Variants in CHD2 observed in about 807,000 individuals in gnomAD.
CHD2 encodes the protein ATP-dependent chromatin remodeler CHD2.
Under a neutral mutation model 243.9 loss-of-function variants are expected in CHD2, and 28 were observed. The ratio of observed to expected loss-of-function variants is 0.11; its 90% CI spans 0.09 to 0.16. CHD2 has a LOEUF of 0.16. Ranked by LOEUF, CHD2 falls within the 10% of genes least tolerant of loss-of-function variation. The probability of loss-of-function intolerance (pLI) is 1.00; values close to 1 mark genes in which losing one functional copy is unlikely to be tolerated. For missense variants in CHD2, 1,386 were observed against 2,209.8 expected, an observed-to-expected ratio of 0.63 and a Z score of 7.47; for synonymous variants, 775 against 779.0, an observed-to-expected ratio of 0.99 and a Z score of 0.09.
At chr15:93,014,658 G>C in intron 36 of CHD2, 38 bp from the exon 37 acceptor site, 1 of 1,580,892 alleles carries the variant, frequency 6.3e-7, no homozygotes, top group Non-Finnish European at 8.7e-7. Context: ...AATTAAGCCT[G>C]GGATCTTGAG....
intron 2 of CHD2, among the ~76,000 whole-genome samples, chr15:92,913,252 C>T (rs1247331451): frequency 1.3e-5 from 2 of 152,328 alleles, no homozygotes; most frequent in East Asian, 3.9e-4. Flanking sequence ...TGTTCTGCTG[C>T]TTTTTAGCTG....
At chr15:92,985,464 T>G (rs747273763) in intron 25 of CHD2, 34 bp from the exon 26 acceptor site, 13 of 1,577,802 alleles carry the variant, frequency 8.2e-6, no homozygotes, top group Admixed American at 7.1e-5. Context: ...ACTTCGCACT[T>G]GTTACAGTGT....
At chr15:92,952,400 A>G (rs2053564820) in intron 13 of CHD2, among the ~76,000 whole-genome samples, 1 of 152,138 alleles carries the variant, frequency 6.6e-6, no homozygotes, top group South Asian at 2.1e-4. Flanking sequence ...TATTATTATT[A>G]CATTATACTA....
chr15:92,965,593 A>AAC (rs1555441705), intron 16 of CHD2, among the ~76,000 whole-genome samples: 21 of 135,316 alleles, frequency 1.6e-4, no homozygotes, highest in Admixed American at 4.7e-4. Flanking sequence ...AAAAAAAAAA[A>AAC]AACCAACTCA....
intron 5 of CHD2, among the ~76,000 whole-genome samples, chr15:92,932,508 T>C (rs1302466000): frequency 7.4e-6 from 1 of 134,288 alleles, no homozygotes; most frequent in African/African-American, 2.8e-5. Context: ...GTGTTCTCAT[T>C]GTTCAATTCC....
rs746694647 is a variant in CHD2 at position 93,002,269 on chromosome 15, CAAA to C, written c.4231_4233del (p.Lys1411del). 4.0e-5 allele frequency: 64 copies of C among 1,595,054 alleles called. 1 individual carries two copies. The Admixed American group carries it at 1.0e-3, about 26-fold the overall frequency. ...AGAAACAAATGAGTTCTAGGAAAGA[CAAA>C]GAAGGGGACAAGGAAAGAAAGAAGT... On this transcript the variant is annotated inframe_deletion, in exon 33 of 39. Transcript: ENST00000394196.
At chr15:93,019,705 G>A (rs2054507608) in intron 37 of CHD2, among the ~76,000 whole-genome samples, 1 of 152,076 alleles carries the variant, frequency 6.6e-6, no homozygotes, top group Non-Finnish European at 1.5e-5. Context: ...AAGCTGAGGC[G>A]GGCGGATCAC....
chr15:92,921,398 C>CTG (rs1241863810), intron 2 of CHD2: 12 of 152,150 alleles, frequency 7.9e-5, no homozygotes, highest in Admixed American at 7.2e-4. Flanking sequence ...CCAGAAGACC[C>CTG]GGATGCCTGG....
chr15:92,984,950 A>G (rs1013857591), intron 25 of CHD2, among the ~76,000 whole-genome samples: 5 of 152,232 alleles, frequency 3.3e-5, no homozygotes, highest in Non-Finnish European at 7.3e-5. Flanking sequence ...CATCACAGAC[A>G]CTATCTAATT....
intron 20 of CHD2, 144 bp from the exon 21 acceptor site, chr15:92,978,090 A>G: frequency 3.3e-6 from 3 of 900,304 alleles, no homozygotes; most frequent in South Asian, 1.5e-5. Flanking sequence ...AGTCCCTGAC[A>G]TTCTTTTAGC....
chr15:92,946,285 G>A (rs1323915382), intron 12 of CHD2, 69 bp downstream of exon 12: 2 of 1,215,438 alleles, frequency 1.6e-6, no homozygotes, highest in African/African-American at 1.5e-5. Context: ...GGACACATAT[G>A]TGCTGAGAAA....
intron 37 of CHD2, among the ~76,000 whole-genome samples, chr15:93,018,358 C>T (rs76065461): frequency 1.1e-3 from 163 of 152,334 alleles, no homozygotes; most frequent in Non-Finnish European, 1.8e-3. Context: ...AGTTTCTGAG[C>T]TCAGCACTTC....
chr15:92,914,354 C>T (rs1240349333), intron 2 of CHD2, among the ~76,000 whole-genome samples: 3 of 152,224 alleles, frequency 2.0e-5, no homozygotes, highest in Non-Finnish European at 4.4e-5. Flanking sequence ...TTGCCAGATC[C>T]TGATTAGGTA....
intron 6 of CHD2, among the ~76,000 whole-genome samples, chr15:92,938,473 C>T (rs2053303437): frequency 1.3e-5 from 2 of 152,194 alleles, no homozygotes; most frequent in African/African-American, 2.4e-5. Flanking sequence ...AATATTTACT[C>T]TCTGGCCATT....
At chr15:92,987,818 T>C (rs1454609015) in intron 26 of CHD2, among the ~76,000 whole-genome samples, 1 of 152,010 alleles carries the variant, frequency 6.6e-6, no homozygotes, top group Non-Finnish European at 1.5e-5. Context: ...TTGTGTTAAA[T>C]ATATAATATA....
chr15:92,927,321 T>G lies in CHD2; in HGVS notation c.372T>G (p.Ile124Met). The change falls in exon 4 of 39, where the codon ATT (isoleucine) becomes ATG (methionine). Residue 124 changes from isoleucine to methionine, a missense_variant. Around this residue, in one of 19 missense-constraint regions of CHD2, gnomAD observed 16 missense variants for 76.0 expected, o/e 0.21. Coordinates refer to ENST00000394196, the MANE Select transcript of CHD2 (RefSeq NM_001271.4). Reference sequence around the variant, plus strand: ...GACAAGAACCATCGCGATTTAATATTAAGGAAGAGGTAAGGAAAAAATGTT... The same window carrying G: ...GACAAGAACCATCGCGATTTAATATGAAGGAAGAGGTAAGGAAAAAATGTT... ...RSRQEPSRFN[I>M]KEEASSGSES... 6.2e-7 allele frequency: 1 copy of G among 1,613,088 alleles called. No individual in the cohort carries two copies. The highest frequency in any genetic ancestry group is 8.5e-7 in the Non-Finnish European group (1 of 1,179,150).
chr15:92,922,348 G>C (rs531041546), intron 2 of CHD2, among the ~76,000 whole-genome samples: 2 of 152,196 alleles, frequency 1.3e-5, no homozygotes, highest in South Asian at 4.1e-4. Context: ...AAAGTACTTA[G>C]CCTAGTGTCT....
chr15:93,024,000 C>T (rs560798447), intron 38 of CHD2, among the ~76,000 whole-genome samples: 1 of 152,024 alleles, frequency 6.6e-6, no homozygotes, highest in Non-Finnish European at 1.5e-5. Context: ...TCACTTGTTG[C>T]ATATTTAGGT....
At chr15:92,965,593 A>AAAAC in intron 16 of CHD2, among the ~76,000 whole-genome samples, 1 of 135,320 alleles carries the variant, frequency 7.4e-6, no homozygotes, top group African/African-American at 2.6e-5. Context: ...AAAAAAAAAA[A>AAAAC]AACCAACTCA....
Sources: allele counts gnomAD v4.1 joint callset (sites outside exome capture counted in the v4.1 genomes callset), GRCh38; gene constraint gnomAD v4.1.1; regional missense constraint gnomAD v4.1.1; transcripts MANE v1.5; gene names NCBI Gene and HGNC (gene_info 2026-07-23, HGNC 2026-07-21).